Variants in AGAP1 observed in about 807,000 individuals in gnomAD.
AGAP1 encodes ArfGAP with GTPase domain, ankyrin repeat and PH domain 1.
AGAP1 carries 29 observed loss-of-function variants against 105.3 expected under a neutral mutation model. The observed-to-expected ratio is 0.28, with a 90% CI of 0.21 to 0.38. The LOEUF is 0.38. Among genes scored for constraint, AGAP1 ranks in the 10% least tolerant of loss-of-function variants. The probability of loss-of-function intolerance (pLI) is 1.00; values close to 1 mark genes in which losing one functional copy is unlikely to be tolerated. For missense variants in AGAP1, 998 were observed against 1,165.1 expected (o/e 0.86, Z 2.09); for synonymous variants, 509 against 485.9 (o/e 1.05, Z -0.63).
At chr2:236,110,508 A>G (rs952824953) in intron 16 of AGAP1, among the ~76,000 whole-genome samples, 1 of 152,072 alleles carries the variant, frequency 6.6e-6, no homozygotes, top group Non-Finnish European at 1.5e-5. Context: ...GACTGCAGTG[A>G]GCTATGATTG....
Position 235,963,320 on chromosome 2 carries a change from A to G in AGAP1, c.1484-5142A>G, listed in dbSNP as rs1476953235. On this transcript the variant is annotated intron_variant, in intron 12 of 17. Coordinates refer to ENST00000304032, the MANE Select transcript of AGAP1 (RefSeq NM_001037131.3). This position sits in a 1 kb window ranked among gnomAD's most constrained non-coding sequence, Gnocchi z 5.1. ...CAGACGTGCCATTTTGATTTCCAGA[A>G]ACGTGAATTCTGAGCTAGATGCCAG... Among the ~76,000 whole-genome samples, 1 of 152,236 alleles carries G rather than the reference A, an allele frequency of 6.6e-6. No individual in the cohort carries two copies. The highest frequency in any genetic ancestry group is 2.4e-5 in the African/African-American group (1 of 41,472).
chr2:235,759,184 T>A (rs1954194718), intron 6 of AGAP1, among the ~76,000 whole-genome samples: 1 of 145,552 alleles, frequency 6.9e-6, no homozygotes, highest in Non-Finnish European at 1.5e-5. Flanking sequence ...TTTTTTTTTT[T>A]TTGAGATGGA....
At chr2:236,112,333 T>C (rs2059667980) in intron 16 of AGAP1, among the ~76,000 whole-genome samples, 1 of 151,946 alleles carries the variant, frequency 6.6e-6, no homozygotes, top group South Asian at 2.1e-4. Context: ...GGAGAATCGC[T>C]TGAACCCAGG....
intron 16 of AGAP1, among the ~76,000 whole-genome samples, chr2:236,091,093 C>G (rs544118089): frequency 6.6e-6 from 1 of 152,218 alleles, no homozygotes; most frequent in Admixed American, 6.5e-5. Flanking sequence ...CCTGCATGCC[C>G]TGTCCTTGGC....
At chr2:235,688,845 C>T (rs761708798) in intron 1 of AGAP1, among the ~76,000 whole-genome samples, 2 of 152,130 alleles carry the variant, frequency 1.3e-5, no homozygotes, top group Non-Finnish European at 2.9e-5. Flanking sequence ...CTCATTCACC[C>T]GCTAGTGCTG....
Position 235,733,794 on chromosome 2 carries a change from C to T in AGAP1, c.311-7169C>T, listed in dbSNP as rs137989528. 1.8e-4 allele frequency among the ~76,000 whole-genome samples: 28 copies of T among 152,064 alleles called. 1 individual carries two copies. The East Asian group carries it at 5.4e-3, about 30-fold the overall frequency. ...CCACATGCAGGGTCCTCACTCACTG[C>T]TGGTACCTTTGTGTAGTAGTTACTT... is the stretch of plus-strand genomic sequence containing the variant. On this transcript the variant is annotated intron_variant, in intron 3 of 17. Transcript: ENST00000304032. The surrounding 1 kb of genome is among the most constrained non-coding windows in gnomAD (Gnocchi z 5.0).
chr2:235,543,232 A>G (rs1943512080), intron 1 of AGAP1, among the ~76,000 whole-genome samples: 1 of 151,758 alleles, frequency 6.6e-6, no homozygotes, highest in South Asian at 2.1e-4. Flanking sequence ...ATCAACAGCC[A>G]AAGTGACTCA....
At chr2:236,118,856 G>T (rs1422401307) in intron 16 of AGAP1, among the ~76,000 whole-genome samples, 8 of 151,782 alleles carry the variant, frequency 5.3e-5, no homozygotes, top group African/African-American at 1.9e-4. Flanking sequence ...CCCTCTAGCG[G>T]TGCTGCAGAG....
At chr2:235,738,031 C>T (rs1225871727) in intron 3 of AGAP1, among the ~76,000 whole-genome samples, 2 of 151,988 alleles carry the variant, frequency 1.3e-5, no homozygotes, top group Non-Finnish European at 2.9e-5. Context: ...CAGAGGAGCA[C>T]ATGTGGGGCT....
In AGAP1 at chr2:236,098,032, T is replaced by C. The variant is rs1009837044; in HGVS notation, c.2115-22160T>C. Among the ~76,000 whole-genome samples the C allele has an allele frequency of 5.9e-5, 9 of 152,372 alleles. No homozygotes were observed. In the South Asian group the frequency reaches 6.2e-4, roughly 11 times the overall value. ...TAGAATATGCAGCCTTTAAGAAGGC[T>C]GAGTACTATTCCATCGTGTGGATAG... On this transcript the variant is annotated intron_variant, in intron 16 of 17. Coordinates refer to ENST00000304032, the MANE Select transcript of AGAP1 (RefSeq NM_001037131.3).
In AGAP1 at chr2:235,845,239, A is replaced by G. The variant is rs1198772029; in HGVS notation, c.1050+37908A>G. The stretch of plus-strand genomic sequence containing the variant: ...AGGATCTCACAAAGGCCCAGCAGCA[A>G]GTACAGGGGAGACAGCCAGACCCCT... On this transcript the variant is annotated intron_variant, in intron 9 of 17. Coordinates refer to ENST00000304032, the MANE Select transcript of AGAP1 (RefSeq NM_001037131.3). The surrounding 1 kb of genome is among the most constrained non-coding windows in gnomAD (Gnocchi z 4.8). Among the ~76,000 whole-genome samples the G allele has an allele frequency of 1.3e-5, 2 of 152,174 alleles. No individual in the cohort carries two copies. The highest frequency in any genetic ancestry group is 6.5e-5 in the Admixed American group (1 of 15,286).
rs1412922098 is a variant in AGAP1 at position 235,712,611 on chromosome 2, T to C, written c.222+3374T>C. Among the ~76,000 whole-genome samples, 1 of 152,178 alleles carries C rather than the reference T, an allele frequency of 6.6e-6. No individual in the cohort carries two copies. The highest frequency in any genetic ancestry group is 1.5e-5 in the Non-Finnish European group (1 of 68,026). The stretch of plus-strand genomic sequence containing the variant: ...GGGTTAGTGTGGGGCTCTGGAGAAA[T>C]CAGTTTAGGAAGACATTGCATTCCC... On this transcript the variant is annotated intron_variant, in intron 2 of 17. Coordinates refer to ENST00000304032, the MANE Select transcript of AGAP1 (RefSeq NM_001037131.3). The surrounding 1 kb of genome is among the most constrained non-coding windows in gnomAD (Gnocchi z 6.0).
chr2:236,122,200 C>T (rs771041531), intron 17 of AGAP1, among the ~76,000 whole-genome samples: 2 of 152,162 alleles, frequency 1.3e-5, no homozygotes, highest in Non-Finnish European at 2.9e-5. Flanking sequence ...GTCCTCTCAC[C>T]TCGGCCTCCC....
At chr2:235,755,487 T>C (rs1238621285) in intron 6 of AGAP1, among the ~76,000 whole-genome samples, 2 of 152,162 alleles carry the variant, frequency 1.3e-5, no homozygotes, top group Non-Finnish European at 2.9e-5. Flanking sequence ...GTCACCCAGG[T>C]TGGAGTGCAG....
intron 13 of AGAP1, 22 bp downstream of exon 13, chr2:235,968,645 G>A (rs1232081958): frequency 1.2e-5 from 19 of 1,591,492 alleles, no homozygotes; most frequent in African/African-American, 1.4e-5. Context: ...GCGGTGCCCC[G>A]GGAGAGAGTC....
chr2:235,808,324 G>A (rs867662410), intron 9 of AGAP1, among the ~76,000 whole-genome samples: 48 of 152,188 alleles, frequency 3.2e-4, no homozygotes, highest in Admixed American at 8.5e-4. Flanking sequence ...ACACAGCATC[G>A]GTAATCCCTT....
At chr2:236,013,700 T>C (rs565013223) in intron 13 of AGAP1, among the ~76,000 whole-genome samples, 3 of 152,280 alleles carry the variant, frequency 2.0e-5, no homozygotes, top group African/African-American at 7.2e-5. Context: ...AGACAGACGG[T>C]CCTGTGAGAC....
chr2:235,917,961 C>A (rs1559644973), intron 11 of AGAP1, among the ~76,000 whole-genome samples: 1 of 152,198 alleles, frequency 6.6e-6, no homozygotes, highest in Non-Finnish European at 1.5e-5. Flanking sequence ...CAAAACTAGA[C>A]CCGTTGTTGT....
At chr2:235,678,391 G>C (rs1948873126) in intron 1 of AGAP1, among the ~76,000 whole-genome samples, 1 of 152,224 alleles carries the variant, frequency 6.6e-6, no homozygotes, top group African/African-American at 2.4e-5. Flanking sequence ...ACAGTGTCTA[G>C]CGCTGGTTAA....
Sources: gnomAD v4.1 joint callset for allele counts (sites outside exome capture counted in the v4.1 genomes callset) on GRCh38, gnomAD v4.1.1 for gene constraint, Gnocchi (gnomAD v3.1) non-coding constraint, MANE v1.5 for transcripts, NCBI Gene and HGNC (gene_info 2026-07-23, HGNC 2026-07-21) for gene names.